Variants in TOGARAM2 observed in about 807,000 individuals in gnomAD.
TOGARAM2 encodes the protein TOG array regulator of axonemal microtubules 2.
In TOGARAM2, 85 loss-of-function variants were observed where a neutral mutation model predicts 93.3. The observed-to-expected ratio is 0.91, with a 90% CI of 0.76 to 1.09. The LOEUF (loss-of-function observed/expected upper bound fraction) is 1.09. TOGARAM2 is among the 50% of genes least tolerant of loss of function. TOGARAM2 has a pLI of 0.00. For missense variants in TOGARAM2, 1,277 were observed against 1,334.5 expected, an observed-to-expected ratio of 0.96 and a Z score of 0.67; for synonymous variants, 593 against 552.8, an observed-to-expected ratio of 1.07 and a Z score of -1.02.
intron 3 of TOGARAM2, among the ~76,000 whole-genome samples, chr2:28,998,508 A>T (rs1439004880): frequency 6.6e-6 from 1 of 152,126 alleles, no homozygotes; most frequent in African/African-American, 2.4e-5. Context: ...CTGGGAGTGC[A>T]CTCAGCACCC....
At chr2:29,014,690 GC>G in intron 8 of TOGARAM2, 129 bp downstream of exon 8, 1 of 1,232,830 alleles carries the variant, frequency 8.1e-7, no homozygotes, top group Non-Finnish European at 1.1e-6. Flanking sequence ...GCCCGAGGCA[GC>G]CACCCAAGTA....
intron 1 of TOGARAM2, among the ~76,000 whole-genome samples, chr2:28,993,889 C>T (rs1449244752): frequency 6.6e-6 from 1 of 152,244 alleles, no homozygotes; most frequent in East Asian, 1.9e-4. Context: ...GGTTCCTGCC[C>T]TGTCCCCAGA....
At chr2:28,999,911 G>A (rs1224730534) in intron 4 of TOGARAM2, among the ~76,000 whole-genome samples, 1 of 152,052 alleles carries the variant, frequency 6.6e-6, no homozygotes, top group East Asian at 1.9e-4. Context: ...GGGGCTTGTG[G>A]GCTCTTTCCT....
chr2:29,017,598 T>C (rs368163808), intron 9 of TOGARAM2, among the ~76,000 whole-genome samples, 194 bp from the exon 10 acceptor site: 69 of 152,152 alleles, frequency 4.5e-4, no homozygotes, highest in Middle Eastern at 3.2e-3. Flanking sequence ...TCTGTAGAGA[T>C]GGGCATCTCC....
upstream of TOGARAM2, among the ~76,000 whole-genome samples, chr2:28,980,117 C>T (rs1328463469): frequency 6.6e-6 from 1 of 152,232 alleles, no homozygotes; most frequent in Non-Finnish European, 1.5e-5. Flanking sequence ...CCTTTCTGGG[C>T]CTCTGCTACA....
At chr2:29,031,045 A>G (rs1188721591) in intron 14 of TOGARAM2, among the ~76,000 whole-genome samples, 2 of 152,240 alleles carry the variant, frequency 1.3e-5, no homozygotes, top group East Asian at 3.8e-4. Context: ...TGATTTCAAG[A>G]CACACATCCT....
At chr2:29,016,281 C>A (rs35284298) in intron 8 of TOGARAM2, among the ~76,000 whole-genome samples, 7 of 151,928 alleles carry the variant, frequency 4.6e-5, no homozygotes, top group South Asian at 4.2e-4. Flanking sequence ...CCACCATCCC[C>A]ATCGCCGTCC....
intron 1 of TOGARAM2, among the ~76,000 whole-genome samples, chr2:28,963,039 G>A (rs1671821441): frequency 6.6e-6 from 1 of 151,668 alleles, no homozygotes; most frequent in South Asian, 2.1e-4. Flanking sequence ...TGTTGCCCAG[G>A]CTAGTCTTGA....
chr2:29,017,698 A>G, intron 9 of TOGARAM2, 94 bp from the exon 10 acceptor site: 1 of 1,278,654 alleles, frequency 7.8e-7, no homozygotes, highest in Non-Finnish European at 1.1e-6. Flanking sequence ...GGCATGAGCT[A>G]CTTTGGCCAG....
intron 1 of TOGARAM2, among the ~76,000 whole-genome samples, chr2:28,991,903 C>T (rs920880593): frequency 6.6e-6 from 1 of 152,190 alleles, no homozygotes; most frequent in Admixed American, 6.5e-5. Context: ...TCGCCCCATT[C>T]CCTGGGCTGG....
intron 8 of TOGARAM2, among the ~76,000 whole-genome samples, chr2:29,015,978 G>A (rs1229439949): frequency 1.3e-5 from 2 of 152,088 alleles, no homozygotes; most frequent in African/African-American, 2.4e-5. Flanking sequence ...CACCTCCCTC[G>A]CCAGCCTAGA....
intron 6 of TOGARAM2, among the ~76,000 whole-genome samples, chr2:29,004,927 TGA>T (rs60593505): frequency 1.7e-4 from 18 of 105,122 alleles, no homozygotes; most frequent in East Asian, 3.4e-4. Flanking sequence ...TGTACGTGTG[TGA>T]GTGCATGTGT....
chr2:28,962,244 C>T (rs969058735), intron 1 of TOGARAM2, among the ~76,000 whole-genome samples: 52 of 150,802 alleles, frequency 3.4e-4, no homozygotes, highest in African/African-American at 1.2e-3. Context: ...GTCATGATCT[C>T]GGCTCACTGT....
Position 29,026,233 on chromosome 2 carries a change from CT to C in TOGARAM2, c.1854-612del, listed in dbSNP as rs542726384. Among the ~76,000 whole-genome samples, 699 of 152,136 alleles carry C rather than the reference CT, an allele frequency of 4.6e-3. 2 individuals carry two copies. Among genetic ancestry groups the C allele is most frequent in the Non-Finnish European group, 6.6e-3 (451 of 67,992 alleles). On this transcript the variant is annotated intron_variant, in intron 13 of 19. Coordinates refer to ENST00000379558, the MANE Select transcript of TOGARAM2 (RefSeq NM_199280.4). Reference sequence around the variant, plus strand: ...AGTACTGTTCTCTGTACATTCAGGCCTTTTTTTTCTGGAGATACTTAATGAT... The same window carrying C: ...AGTACTGTTCTCTGTACATTCAGGCCTTTTTTTCTGGAGATACTTAATGAT...
chr2:29,052,075 C>T lies in TOGARAM2; in HGVS notation c.3042C>T (p.Tyr1014=), dbSNP rs191677247. ...ACAGCAAGACAACTGGCAGCTCATA[C>T]CCTTTTCAGCTGGATTAAAGATGGA... ...APDSKTTGSS[Y]PFQLD The change falls in exon 20 of 20, where the codon TAC becomes TAT. Residue 1014 remains tyrosine (Y), a synonymous_variant. Coordinates refer to ENST00000379558, the MANE Select transcript of TOGARAM2 (RefSeq NM_199280.4). 3 of 1,577,646 alleles carry T rather than the reference C, an allele frequency of 1.9e-6. No individual in the cohort carries two copies. The highest frequency in any genetic ancestry group is 1.1e-5 in the South Asian group (1 of 87,140).
chr2:28,983,177 A>AATAAATATATATATATATATAT (rs781160203), intron 1 of TOGARAM2, among the ~76,000 whole-genome samples: 1 of 32,392 alleles, frequency 3.1e-5, no homozygotes, highest in African/African-American at 1.3e-4. Context: ...TGTATATATA[A>AATAAATATATATATATATATAT]ATATATATAT....
chr2:29,033,954 A>G (rs1356128415), intron 16 of TOGARAM2, among the ~76,000 whole-genome samples: 1 of 152,120 alleles, frequency 6.6e-6, no homozygotes, highest in Non-Finnish European at 1.5e-5. Context: ...ACTAAGGCAG[A>G]TGAGAAGACA....
intron 1 of TOGARAM2, among the ~76,000 whole-genome samples, chr2:28,991,630 G>A (rs1033665409): frequency 2.6e-5 from 4 of 152,212 alleles, no homozygotes; most frequent in African/African-American, 9.6e-5. Context: ...TGGTGGGTGG[G>A]ATGAGTCTGC....
In TOGARAM2 at chr2:28,957,228, T is replaced by C. The variant is rs538765700; in HGVS notation, c.-147+531T>C. 5.3e-5 allele frequency among the ~76,000 whole-genome samples: 8 copies of C among 152,318 alleles called. No homozygotes were observed. In the East Asian group the frequency reaches 1.5e-3, roughly 29 times the overall value. The stretch of plus-strand genomic sequence containing the variant: ...TTGTTTGTTTGAGATGGAGTTTTGC[T>C]CTTGTTGCCCAGTATGGAGTGTAGT... On this transcript the variant is annotated intron_variant, in intron 1 of 6. Transcript: ENST00000401723.
Sources: gnomAD v4.1 joint callset for allele counts (sites outside exome capture counted in the v4.1 genomes callset) on GRCh38, gnomAD v4.1.1 for gene constraint, MANE v1.5 for transcripts, NCBI Gene and HGNC (gene_info 2026-07-23, HGNC 2026-07-21) for gene names.